The following MACROD2 variants were observed in gnomAD, a reference collection of about 807,000 sequenced individuals.
MACROD2 encodes the protein ADP-ribose glycohydrolase MACROD2.
A neutral mutation model predicts 70.4 loss-of-function variants in MACROD2; 36 were observed. The observed-to-expected ratio is 0.51, with a 90% confidence interval of 0.39 to 0.68. The LOEUF (loss-of-function observed/expected upper bound fraction) is 0.68. Ranked by LOEUF, MACROD2 falls within the 30% of genes least tolerant of loss-of-function variation. The pLI is 0.00. For synonymous variants in MACROD2, 172 were observed against 178.8 expected (o/e 0.96, Z 0.30); for missense variants, 496 against 538.4 (o/e 0.92, Z 0.78).
intron 7 of MACROD2, among the ~76,000 whole-genome samples, chr20:15,473,869 G>A (rs2046989936): frequency 6.6e-6 from 1 of 152,266 alleles, no homozygotes; most frequent in East Asian, 1.9e-4. Flanking sequence ...CAAAGTGTCC[G>A]TTTTCTATCA....
chr20:15,360,962 C>T (rs1199628414), intron 6 of MACROD2, among the ~76,000 whole-genome samples: 2 of 151,082 alleles, frequency 1.3e-5, no homozygotes, highest in African/African-American at 4.9e-5. Context: ...GATATCGGAC[C>T]TTTGTCATAT....
At chr20:15,311,351 A>G (rs148102444) in intron 6 of MACROD2, among the ~76,000 whole-genome samples, 14 of 152,314 alleles carry the variant, frequency 9.2e-5, no homozygotes, top group African/African-American at 1.9e-4. Flanking sequence ...GTAAATTACT[A>G]TCTCTCATTT....
intron 5 of MACROD2, among the ~76,000 whole-genome samples, chr20:14,941,921 C>A (rs1333325038): frequency 6.6e-6 from 1 of 151,466 alleles, no homozygotes; most frequent in East Asian, 1.9e-4. Flanking sequence ...GTATTTGGGA[C>A]CACTGACGTG....
chr20:14,589,310 TTCTA>T (rs1397213096), intron 4 of MACROD2, among the ~76,000 whole-genome samples: 1 of 152,194 alleles, frequency 6.6e-6, no homozygotes, highest in Non-Finnish European at 1.5e-5. Context: ...TTCTCCTTTT[TTCTA>T]TCTGTTATTG....
At chr20:15,981,380 T>C (rs570349884) in intron 13 of MACROD2, among the ~76,000 whole-genome samples, 25 of 152,202 alleles carry the variant, frequency 1.6e-4, no homozygotes, top group Non-Finnish European at 3.5e-4. Flanking sequence ...AGTGAATTCT[T>C]TTCCTGTTTT....
intron 5 of MACROD2, among the ~76,000 whole-genome samples, chr20:14,913,370 T>A (rs1448025590): frequency 6.6e-6 from 1 of 152,186 alleles, no homozygotes; most frequent in East Asian, 1.9e-4. Flanking sequence ...TCCTTATTTA[T>A]GTATTATTTT....
At chr20:14,848,745 G>A (rs536949922) in intron 5 of MACROD2, among the ~76,000 whole-genome samples, 1 of 152,240 alleles carries the variant, frequency 6.6e-6, no homozygotes, top group Admixed American at 6.5e-5. Flanking sequence ...CCTGGGAGCT[G>A]ACAATCCCCT....
intron 10 of MACROD2, among the ~76,000 whole-genome samples, chr20:15,919,221 T>C (rs1212898334): frequency 6.6e-6 from 1 of 152,180 alleles, no homozygotes; most frequent in Non-Finnish European, 1.5e-5. Flanking sequence ...TACTCCTTAG[T>C]GAGGGATTCA....
At chr20:14,139,583 T>C (rs1000856762) in intron 3 of MACROD2, among the ~76,000 whole-genome samples, 11 of 152,258 alleles carry the variant, frequency 7.2e-5, no homozygotes, top group African/African-American at 2.7e-4. Context: ...TATTGATTTG[T>C]ATTTTTTGCA....
intron 8 of MACROD2, among the ~76,000 whole-genome samples, chr20:15,832,510 A>C (rs1039552497): frequency 6.6e-6 from 1 of 152,248 alleles, no homozygotes; most frequent in African/African-American, 2.4e-5. Flanking sequence ...GAACTGTCCC[A>C]TGTAGACTGG....
At chr20:15,096,916 A>G (rs141280190) in intron 5 of MACROD2, among the ~76,000 whole-genome samples, 51 of 150,622 alleles carry the variant, frequency 3.4e-4, no homozygotes, top group African/African-American at 1.2e-3. Flanking sequence ...GGTTCAAGCA[A>G]TTATCTTACC....
chr20:15,534,563 G>A (rs986655627), intron 8 of MACROD2, among the ~76,000 whole-genome samples: 1 of 151,792 alleles, frequency 6.6e-6, no homozygotes, highest in Non-Finnish European at 1.5e-5. Context: ...TTCTTACTTA[G>A]AAGTTTTCAT....
chr20:14,580,971 G>A (rs140643933), intron 4 of MACROD2, among the ~76,000 whole-genome samples: 12 of 152,274 alleles, frequency 7.9e-5, no homozygotes, highest in African/African-American at 2.9e-4. Context: ...CTGATCCTCT[G>A]CTCACCTGGC....
intron 3 of MACROD2, among the ~76,000 whole-genome samples, chr20:14,335,866 CTG>C (rs1462222031): frequency 1.3e-5 from 2 of 151,990 alleles, no homozygotes; most frequent in Non-Finnish European, 2.9e-5. Context: ...GTGCGTTTGT[CTG>C]TGTGTATATA....
At chr20:15,863,604 G>A (rs1372703487) in intron 9 of MACROD2, among the ~76,000 whole-genome samples, 2 of 152,196 alleles carry the variant, frequency 1.3e-5, no homozygotes, top group South Asian at 2.1e-4. Context: ...TCAAGCTACT[G>A]TGAGCATTGT....
At chr20:14,938,043 C>A (rs1451000273) in intron 5 of MACROD2, among the ~76,000 whole-genome samples, 1 of 143,598 alleles carries the variant, frequency 7.0e-6, no homozygotes, top group Non-Finnish European at 1.5e-5. Flanking sequence ...TATTGGATGA[C>A]TCATGTTCAA....
chr20:15,144,287 G>C (rs445251), intron 5 of MACROD2, among the ~76,000 whole-genome samples: 89,592 of 151,906 alleles, frequency 0.59, 26,556 homozygotes, highest in East Asian at 0.65. Context: ...GCAAGTGGTT[G>C]GTGATCAAAA....
chr20:15,992,300 T>C (rs2066568890), intron 15 of MACROD2, among the ~76,000 whole-genome samples: 1 of 152,182 alleles, frequency 6.6e-6, no homozygotes, highest in Admixed American at 6.5e-5. Flanking sequence ...TGAAACTCCA[T>C]TTTTCATGTT....
intron 8 of MACROD2, among the ~76,000 whole-genome samples, chr20:15,568,332 T>C (rs2048335198): frequency 6.6e-6 from 1 of 152,214 alleles, no homozygotes; most frequent in South Asian, 2.1e-4. Flanking sequence ...TTTTCCTTTC[T>C]AGTTGATGCA....
Sources: gnomAD v4.1 joint callset for allele counts (sites outside exome capture counted in the v4.1 genomes callset) on GRCh38, gnomAD v4.1.1 for gene constraint, MANE v1.5 for transcripts, NCBI Gene and HGNC (gene_info 2026-07-23, HGNC 2026-07-21) for gene names.